TRPM2: variants seen among roughly 807,000 people sequenced by gnomAD.
TRPM2 encodes the protein transient receptor potential cation channel subfamily M member 2, also known as estrogen-responsive element-associated gene 1 protein.
Under a neutral mutation model 174.0 loss-of-function variants are expected in TRPM2, and 161 were observed. That is an observed-to-expected ratio of 0.93 (90% confidence interval 0.81 to 1.05). The LOEUF is 1.05. Among genes scored for constraint, TRPM2 ranks in the 50% least tolerant of loss-of-function variants. The pLI, the probability that TRPM2 is intolerant of heterozygous loss-of-function variation, is 0.00. For synonymous variants in TRPM2, 954 were observed against 861.3 expected, an observed-to-expected ratio of 1.11 and a Z score of -1.88; for missense variants, 2,057 against 2,038.0, an observed-to-expected ratio of 1.01 and a Z score of -0.18.
At chr21:44,377,844 G>A in intron 7 of TRPM2, 71 bp downstream of exon 7, 2 of 1,554,056 alleles carry the variant, frequency 1.3e-6, no homozygotes, top group African/African-American at 2.7e-5. Flanking sequence ...GTCCAAAAGT[G>A]CTTGTCTCAG....
intron 2 of TRPM2, among the ~76,000 whole-genome samples, chr21:44,362,787 T>G (rs1441701529): frequency 6.6e-6 from 1 of 151,082 alleles, no homozygotes; most frequent in Admixed American, 6.6e-5. Flanking sequence ...GTTTTTTTTG[T>G]TTTTTTTGAG....
chr21:44,413,777 T>G, intron 19 of TRPM2, 114 bp from the exon 20 acceptor site: 1 of 1,245,726 alleles, frequency 8.0e-7, no homozygotes, highest in Non-Finnish European at 1.1e-6. Context: ...ATGAGCAGCA[T>G]CAGGCCTGCG....
chr21:44,380,727 C>A (rs538981069), intron 8 of TRPM2, among the ~76,000 whole-genome samples: 1 of 152,132 alleles, frequency 6.6e-6, no homozygotes, highest in Non-Finnish European at 1.5e-5. Flanking sequence ...TGCTGGTGGG[C>A]GGCCCCGTCA....
At chr21:44,393,319 T>C (rs1184163156) in intron 11 of TRPM2, among the ~76,000 whole-genome samples, 1 of 152,224 alleles carries the variant, frequency 6.6e-6, no homozygotes, top group Non-Finnish European at 1.5e-5. Context: ...CTCCTTTTCT[T>C]CTTTGACCTA....
rs984492464 is a variant in TRPM2 at position 44,376,255 on chromosome 21, C to G, written c.952+242C>G. 1.3e-5 allele frequency among the ~76,000 whole-genome samples: 2 copies of G among 152,190 alleles called. No individual in the cohort carries two copies. Among genetic ancestry groups the G allele is most frequent in the African/African-American group, 4.8e-5 (2 of 41,438 alleles). ...TCACAACCAGGATGTTCATGGTACT[C>G]GGAACGTCCTCAGAACACACCTGGG... is the stretch of plus-strand genomic sequence containing the variant. On this transcript the variant is annotated intron_variant, in intron 6 of 31. Coordinates refer to ENST00000397928, the MANE Select transcript of TRPM2 (RefSeq NM_003307.4). This position sits in a 1 kb window ranked among gnomAD's most constrained non-coding sequence, Gnocchi z 4.2.
intron 11 of TRPM2, among the ~76,000 whole-genome samples, chr21:44,393,736 C>G (rs2049252654): frequency 6.6e-6 from 1 of 150,780 alleles, no homozygotes; most frequent in Non-Finnish European, 1.5e-5. Flanking sequence ...TGTTTAGGTT[C>G]TCTATCTCTT....
intron 2 of TRPM2, among the ~76,000 whole-genome samples, chr21:44,358,850 G>C (rs537424658): frequency 6.6e-6 from 1 of 152,142 alleles, no homozygotes; most frequent in Non-Finnish European, 1.5e-5. Context: ...GGGGACCTTC[G>C]CGGTGAGTGT....
chr21:44,387,451 A>G (rs1805283712), intron 9 of TRPM2, among the ~76,000 whole-genome samples: 1 of 152,260 alleles, frequency 6.6e-6, no homozygotes. Flanking sequence ...CTCTTAGAAG[A>G]AAGCACAGGG....
intron 15 of TRPM2, among the ~76,000 whole-genome samples, chr21:44,401,184 G>A (rs73907183): frequency 3.9e-5 from 6 of 152,270 alleles, no homozygotes; most frequent in African/African-American, 1.2e-4. Context: ...CTCTGCTCCC[G>A]TTCCAGCGGC....
chr21:44,411,103 C>T (rs542746328), intron 19 of TRPM2, among the ~76,000 whole-genome samples: 59 of 152,224 alleles, frequency 3.9e-4, no homozygotes, highest in African/African-American at 1.3e-3. Context: ...TTTTGAAATT[C>T]GGAAGTGTGA....
In TRPM2 at chr21:44,365,660, A is replaced by C. The variant is rs111948814; in HGVS notation, c.424-1094A>C. Among the ~76,000 whole-genome samples the C allele has an allele frequency of 7.8e-4, 119 of 152,206 alleles. 1 individual carries two copies. The highest frequency in any genetic ancestry group is 2.7e-3 in the African/African-American group (114 of 41,534). ...GTGTCTGAGCCTGGGGTCTGGCTGC[A>C]TCCCTCCCCCAACCCCCCGGCTTCT... On this transcript the variant is annotated intron_variant, in intron 3 of 31. Coordinates refer to ENST00000397928, the MANE Select transcript of TRPM2 (RefSeq NM_003307.4).
intron 4 of TRPM2, among the ~76,000 whole-genome samples, chr21:44,368,031 C>G (rs1024988271): frequency 6.6e-6 from 1 of 152,212 alleles, no homozygotes; most frequent in Non-Finnish European, 1.5e-5. Flanking sequence ...TTTCAATATC[C>G]GTGTCCTTGT....
At chr21:44,406,922 C>A (rs1357514409) in intron 19 of TRPM2, among the ~76,000 whole-genome samples, 157 bp downstream of exon 19, 1 of 150,460 alleles carries the variant, frequency 6.6e-6, no homozygotes, top group African/African-American at 2.4e-5. Flanking sequence ...CATTCCCCAG[C>A]TCCTGTGGCA....
rs1006111311 is a variant in TRPM2 at position 44,438,864 on chromosome 21, G to A, written c.4168-203G>A. Reference sequence around the variant, plus strand: ...GTCTGCAGCCCAGTGCCCCCTGCTCGGGCCACGGCAGGCCTCACAGATGCT... The same window carrying A: ...GTCTGCAGCCCAGTGCCCCCTGCTCAGGCCACGGCAGGCCTCACAGATGCT... On this transcript the variant is annotated intron_variant, in intron 29 of 31. Coordinates refer to ENST00000397928, the MANE Select transcript of TRPM2 (RefSeq NM_003307.4). This position sits in a 1 kb window ranked among gnomAD's most constrained non-coding sequence, Gnocchi z 5.9. Among the ~76,000 whole-genome samples the A allele has an allele frequency of 1.2e-4, 18 of 152,176 alleles. No individual in the cohort carries two copies. The highest frequency in any genetic ancestry group is 3.6e-4 in the African/African-American group (15 of 41,432).
chr21:44,372,396 A>G (rs7277517), intron 5 of TRPM2, among the ~76,000 whole-genome samples: 37,137 of 150,260 alleles, frequency 0.25, 4,889 homozygotes, highest in African/African-American at 0.36. Context: ...CTGGGAGGCC[A>G]AGGCAGGAGA....
At chr21:44,353,499 C>T, upstream of TRPM2, 3 of 657,456 alleles carry the variant, frequency 4.6e-6, no homozygotes, top group Non-Finnish European at 6.8e-6. Context: ...GGAACATGTG[C>T]AGGCTGATGA....
In TRPM2 at chr21:44,366,373, C is replaced by T. The variant is rs990063633; in HGVS notation, c.424-381C>T. On this transcript the variant is annotated intron_variant, in intron 3 of 31. Coordinates refer to ENST00000397928, the MANE Select transcript of TRPM2 (RefSeq NM_003307.4). This position sits in a 1 kb window ranked among gnomAD's most constrained non-coding sequence, Gnocchi z 6.0. ...AAGGGCAGAGACCCCGGTGCAGGAGCTGATTAGACCCGGGGGAGGCAGGGC... is the reference window on the plus strand; with the variant it reads ...AAGGGCAGAGACCCCGGTGCAGGAGTTGATTAGACCCGGGGGAGGCAGGGC... Among the ~76,000 whole-genome samples, 2 of 151,716 alleles carry T rather than the reference C, an allele frequency of 1.3e-5. No individual in the cohort carries two copies. Among genetic ancestry groups the T allele is most frequent in the Non-Finnish European group, 2.9e-5 (2 of 68,014 alleles).
Position 44,353,625 on chromosome 21 carries a change from C to T in TRPM2, c.-76C>T. ...GCAACCACCCCATGTGTCTCTAGAA[C>T]CCCAGTGTAGCGAGCTGGAGAGAGG... On this transcript the variant is annotated 5_prime_UTR_variant, in exon 1 of 32. Transcript: ENST00000397928. The T allele has an allele frequency of 7.2e-7, 1 of 1,384,988 alleles. No individual in the cohort carries two copies. The highest frequency in any genetic ancestry group is 9.4e-7 in the Non-Finnish European group (1 of 1,069,128). 85.8% of individuals were successfully genotyped at this position (1,384,988 alleles called of 1,614,324 possible). A position where few individuals can be genotyped will look rare whatever the true frequency, so the allele number is the denominator to read the frequency against.
chr21:44,433,487 C>T (rs1013363267), intron 27 of TRPM2, among the ~76,000 whole-genome samples: 4 of 152,194 alleles, frequency 2.6e-5, no homozygotes, highest in Admixed American at 6.5e-5. Context: ...CGCTCAGTGG[C>T]GTGAGTGCAG....
Sources: allele counts gnomAD v4.1 joint callset (sites outside exome capture counted in the v4.1 genomes callset), GRCh38; gene constraint gnomAD v4.1.1; non-coding constraint Gnocchi (gnomAD v3.1); transcripts MANE v1.5; gene names NCBI Gene and HGNC (gene_info 2026-07-23, HGNC 2026-07-21).